Variants in DCAF10 observed in about 807,000 individuals in gnomAD.
DCAF10 encodes the protein DDB1 and CUL4 associated factor 10.
DCAF10 carries 19 observed loss-of-function variants against 51.9 expected under a neutral mutation model. The ratio of observed to expected loss-of-function variants is 0.37; its 90% confidence interval spans 0.26 to 0.54. The LOEUF is 0.54. DCAF10 is among the 20% of genes least tolerant of loss of function. DCAF10 has a pLI of 0.87. For missense variants in DCAF10, 510 were observed against 730.6 expected (o/e 0.70, Z 3.48); for synonymous variants, 291 against 297.1 (o/e 0.98, Z 0.21).
chr9:37,852,266 G>A (rs112409723), intron 3 of DCAF10, among the ~76,000 whole-genome samples: 5 of 152,224 alleles, frequency 3.3e-5, no homozygotes, highest in South Asian at 2.1e-4. Flanking sequence ...AGGAAACAAC[G>A]ACCTAAAATT....
intron 6 of DCAF10, 71 bp downstream of exon 6, chr9:37,860,264 T>C: frequency 6.3e-7 from 1 of 1,581,394 alleles, no homozygotes; most frequent in South Asian, 1.1e-5. Flanking sequence ...GTGCAGAGCT[T>C]AGGCCGATCG....
At chr9:37,827,176 G>A (rs892431037) in intron 2 of DCAF10, among the ~76,000 whole-genome samples, 1 of 152,052 alleles carries the variant, frequency 6.6e-6, no homozygotes, top group African/African-American at 2.4e-5. Flanking sequence ...AACTACATGC[G>A]ATCAGAACAA....
intron 2 of DCAF10, among the ~76,000 whole-genome samples, chr9:37,824,320 A>C (rs535667430): frequency 5.5e-4 from 84 of 152,302 alleles, no homozygotes; most frequent in African/African-American, 1.9e-3. Flanking sequence ...GAGTTTTGTT[A>C]AGTGGGAAGG....
At position 37,802,882 on chromosome 9, in the gene DCAF10, C is replaced by T. The variant is rs111245541; in HGVS notation, c.539+1477C>T. Among the ~76,000 whole-genome samples the T allele has an allele frequency of 8.5e-3, 1,289 of 152,274 alleles. 7 individuals carry two copies. The highest frequency in any genetic ancestry group is 0.014 in the Non-Finnish European group (963 of 68,034). ...TTCCCTCAAAACACGAACAGTCTGTCCTCAAATATTCAGTTTCTCTCTTCA... is the reference window on the plus strand; with the variant it reads ...TTCCCTCAAAACACGAACAGTCTGTTCTCAAATATTCAGTTTCTCTCTTCA... On this transcript the variant is annotated intron_variant, in intron 1 of 6. Transcript: ENST00000377724.
intron 1 of DCAF10, among the ~76,000 whole-genome samples, chr9:37,806,458 C>A (rs918547829): frequency 6.6e-6 from 1 of 152,190 alleles, no homozygotes. Context: ...TCCATAGGCC[C>A]AGTGACCATC....
Position 37,854,913 on chromosome 9 carries a change from G to GA in DCAF10, c.986dup (p.Asp329GlufsTer4). On this transcript the variant is annotated frameshift_variant, in exon 4 of 7. Transcript: ENST00000377724. LOFTEE classifies it high-confidence loss of function. ...ATATCTCTTAATTTTGCATGACCTT[G>GA]ACTTAACTAAGTCTTTAGAAGTAGG... The GA allele has an allele frequency of 1.2e-6, 2 of 1,613,958 alleles. No homozygotes were observed. Among genetic ancestry groups the GA allele is most frequent in the Non-Finnish European group, 1.7e-6 (2 of 1,179,960 alleles).
chr9:37,861,177 T>G lies in DCAF10; in HGVS notation c.1349T>G (p.Val450Gly), dbSNP rs1176227808. 6.2e-7 allele frequency: 1 copy of G among 1,606,276 alleles called. No individual in the cohort carries two copies. The highest frequency in any genetic ancestry group is 1.1e-5 in the South Asian group (1 of 91,000). Residue 450 changes from valine (V) to glycine (G), a missense_variant, in exon 7 of 7, where the codon GTG becomes GGG. Transcript: ENST00000377724. This position sits in a 1 kb window ranked among gnomAD's most constrained non-coding sequence, Gnocchi z 4.9. Reference sequence around the variant, plus strand: ...TATGAATTCCAAGAAGGAGCTCCAGTGCGACCTGTCTCACCTCGCTGTTCT... The same window carrying G: ...TATGAATTCCAAGAAGGAGCTCCAGGGCGACCTGTCTCACCTCGCTGTTCT... Reference protein sequence around the residue: ...CVYEFQEGAPVRPVSPRCSLR... With the variant: ...CVYEFQEGAPGRPVSPRCSLR...
chr9:37,820,521 C>T (rs1589086059), intron 2 of DCAF10, among the ~76,000 whole-genome samples: 1 of 152,092 alleles, frequency 6.6e-6, no homozygotes, highest in Admixed American at 6.5e-5. Context: ...ATTCACTACC[C>T]GAGACTATAA....
chr9:37,804,615 A>G (rs1316115805), intron 1 of DCAF10, among the ~76,000 whole-genome samples: 2 of 152,076 alleles, frequency 1.3e-5, no homozygotes, highest in East Asian at 3.9e-4. Flanking sequence ...TGTCTCTACT[A>G]AAAATACAAA....
chr9:37,828,940 G>T (rs1829931811), intron 2 of DCAF10, among the ~76,000 whole-genome samples: 1 of 152,024 alleles, frequency 6.6e-6, no homozygotes, highest in South Asian at 2.1e-4. Flanking sequence ...GTGTAAGAAA[G>T]GATTTTTTTA....
At chr9:37,807,499 A>G (rs911357989) in intron 1 of DCAF10, among the ~76,000 whole-genome samples, 9 of 152,152 alleles carry the variant, frequency 5.9e-5, no homozygotes, top group African/African-American at 2.2e-4. Context: ...AAATTAATAA[A>G]TGATTGAAAA....
intron 2 of DCAF10, among the ~76,000 whole-genome samples, chr9:37,839,537 G>T (rs988017230): frequency 6.6e-6 from 1 of 152,120 alleles, no homozygotes; most frequent in Non-Finnish European, 1.5e-5. Context: ...ACCACGCTTG[G>T]CCAGGAAATG....
At chr9:37,824,554 T>TAA (rs376501048) in intron 2 of DCAF10, among the ~76,000 whole-genome samples, 1 of 140,078 alleles carries the variant, frequency 7.1e-6, no homozygotes. Context: ...TTTAAAAAAG[T>TAA]AAAAAAAAAA....
At chr9:37,853,054 AG>A (rs1384534042) in intron 3 of DCAF10, among the ~76,000 whole-genome samples, 1 of 149,596 alleles carries the variant, frequency 6.7e-6, no homozygotes, top group East Asian at 2.0e-4. Flanking sequence ...TTAAAGGCTG[AG>A]GCAGGAGAAT....
chr9:37,858,071 A>G (rs1341665069), intron 5 of DCAF10, among the ~76,000 whole-genome samples: 1 of 151,664 alleles, frequency 6.6e-6, no homozygotes, highest in Non-Finnish European at 1.5e-5. Context: ...ACTTTTGGAG[A>G]TAGACATTTC....
chr9:37,860,356 A>G, intron 6 of DCAF10, 163 bp downstream of exon 6: 2 of 865,672 alleles, frequency 2.3e-6, no homozygotes, highest in Non-Finnish European at 3.4e-6. Flanking sequence ...CTCTTGCTTC[A>G]TATGGTATCA....
At chr9:37,852,916 TTAAG>T (rs1460068764) in intron 3 of DCAF10, among the ~76,000 whole-genome samples, 3 of 135,400 alleles carry the variant, frequency 2.2e-5, no homozygotes, top group African/African-American at 7.9e-5. Context: ...ATCATAAATG[TTAAG>T]TATGTGAGGT....
At chr9:37,811,049 G>C (rs953886783) in intron 1 of DCAF10, among the ~76,000 whole-genome samples, 2 of 152,130 alleles carry the variant, frequency 1.3e-5, no homozygotes, top group Non-Finnish European at 2.9e-5. Flanking sequence ...AAAATATGCA[G>C]CTGAGTGCCG....
At chr9:37,841,875 T>C (rs896650662) in intron 2 of DCAF10, among the ~76,000 whole-genome samples, 1 of 152,198 alleles carries the variant, frequency 6.6e-6, no homozygotes, top group Non-Finnish European at 1.5e-5. Context: ...ATGGATCCAA[T>C]TGCAATATGA....
Sources: gnomAD v4.1 joint callset for allele counts (sites outside exome capture counted in the v4.1 genomes callset) on GRCh38, gnomAD v4.1.1 for gene constraint, Gnocchi (gnomAD v3.1) non-coding constraint, MANE v1.5 for transcripts, NCBI Gene and HGNC (gene_info 2026-07-23, HGNC 2026-07-21) for gene names.